WWOX: variants seen among roughly 807,000 people sequenced by gnomAD.
WWOX encodes the protein WW domain containing oxidoreductase, also known as WW domain-containing oxidoreductase.
WWOX carries 69 observed loss-of-function variants against 46.2 expected under a neutral mutation model. That is an observed-to-expected ratio of 1.49 (90% CI 1.23 to 1.82). The LOEUF (loss-of-function observed/expected upper bound fraction) is 1.82. Among genes scored for constraint, WWOX ranks in the 40% most tolerant of loss-of-function variants. WWOX has a pLI of 0.00. For synonymous variants in WWOX, 359 were observed against 202.6 expected (o/e 1.77, Z -6.56); for missense variants, 919 against 542.6 (o/e 1.69, Z -6.89).
intron 8 of WWOX, among the ~76,000 whole-genome samples, chr16:78,535,838 C>G (rs925035992): frequency 6.6e-6 from 1 of 152,090 alleles, no homozygotes; most frequent in Non-Finnish European, 1.5e-5. Flanking sequence ...CAGTGCTGCT[C>G]AGAGGTATGA....
intron 8 of WWOX, among the ~76,000 whole-genome samples, chr16:78,790,270 G>T (rs561851892): frequency 1.5e-4 from 23 of 152,216 alleles, no homozygotes; most frequent in African/African-American, 5.1e-4. Flanking sequence ...TAGTAGCTGG[G>T]ATTACAGGCG....
intron 8 of WWOX, among the ~76,000 whole-genome samples, chr16:78,931,462 C>T (rs557952273): frequency 6.6e-6 from 1 of 152,264 alleles, no homozygotes; most frequent in Non-Finnish European, 1.5e-5. Context: ...TACAACTCTG[C>T]ATAGTCAGCA....
intron 8 of WWOX, among the ~76,000 whole-genome samples, chr16:78,995,554 A>G (rs1297594058): frequency 1.3e-5 from 2 of 152,096 alleles, no homozygotes; most frequent in Admixed American, 6.5e-5. Flanking sequence ...TATGGTTGCC[A>G]CTGTCTTTAT....
intron 5 of WWOX, chr16:78,167,174 C>T (rs986296565): frequency 3.3e-5 from 5 of 152,152 alleles, no homozygotes; most frequent in African/African-American, 7.2e-5. Context: ...AGAACACATT[C>T]ATCTGCATTT....
At chr16:78,566,400 C>A (rs982546386) in intron 8 of WWOX, among the ~76,000 whole-genome samples, 1 of 152,146 alleles carries the variant, frequency 6.6e-6, no homozygotes, top group Non-Finnish European at 1.5e-5. Flanking sequence ...GGTATCAGAA[C>A]CAGGAGAGGG....
chr16:78,744,557 G>A (rs562387934), intron 8 of WWOX, among the ~76,000 whole-genome samples: 190 of 148,394 alleles, frequency 1.3e-3, no homozygotes, highest in African/African-American at 4.2e-3. Flanking sequence ...TCAGCCTCCC[G>A]AGTAGCTGGG....
rs146594431 is a variant in WWOX, at chr16:78,577,875, A to G, written c.1056+145123A>G. ...GTGCCGTTGGTAATTCAGTTTCAGG[A>G]TTTCCGTTTGACAGAATATATTCAA... On this transcript the variant is annotated intron_variant, in intron 8 of 8. Coordinates refer to ENST00000566780, the MANE Select transcript of WWOX (RefSeq NM_016373.4). Among the ~76,000 whole-genome samples, 502 of 152,174 alleles carry G rather than the reference A, an allele frequency of 3.3e-3. 3 individuals carry two copies. Among genetic ancestry groups the G allele is most frequent in the African/African-American group, 0.012 (486 of 41,534 alleles).
intron 8 of WWOX, among the ~76,000 whole-genome samples, chr16:78,788,442 A>G (rs1286230815): frequency 6.6e-6 from 1 of 152,164 alleles, no homozygotes; most frequent in Admixed American, 6.5e-5. Context: ...CCCTCCCCAG[A>G]GAGTCAGTCC....
Position 78,992,090 on chromosome 16 carries a change from G to C in WWOX, c.1057-219518G>C, listed in dbSNP as rs571487304. 2.0e-5 allele frequency among the ~76,000 whole-genome samples: 3 copies of C among 152,256 alleles called. No homozygotes were observed. The East Asian group carries it at 5.8e-4, about 29-fold the overall frequency. ...GTTCATTCTTGGAATCTACACACCT[G>C]TGATGTGCTAGTTACTAAAGATGTA... On this transcript the variant is annotated intron_variant, in intron 8 of 8. Coordinates refer to ENST00000566780, the MANE Select transcript of WWOX (RefSeq NM_016373.4).
At chr16:79,103,845 T>C (rs2049251551) in intron 8 of WWOX, among the ~76,000 whole-genome samples, 1 of 152,138 alleles carries the variant, frequency 6.6e-6, no homozygotes, top group South Asian at 2.1e-4. Context: ...CATGCACGTT[T>C]CTACACATCT....
intron 8 of WWOX, among the ~76,000 whole-genome samples, chr16:78,978,110 T>G (rs1293042219): frequency 1.3e-5 from 2 of 152,220 alleles, no homozygotes; most frequent in African/African-American, 2.4e-5. Context: ...TTTATTTAAG[T>G]GGGATCATAC....
intron 8 of WWOX, among the ~76,000 whole-genome samples, chr16:79,152,181 C>A (rs957938733): frequency 2.0e-5 from 3 of 152,160 alleles, no homozygotes. Flanking sequence ...TTGCATCCCT[C>A]CCCCACGCGA....
At chr16:79,011,190 G>T (rs1008187290) in intron 8 of WWOX, among the ~76,000 whole-genome samples, 1 of 148,902 alleles carries the variant, frequency 6.7e-6, no homozygotes, top group Non-Finnish European at 1.5e-5. Flanking sequence ...TGGAACCATT[G>T]AAAAGTTGCA....
chr16:78,576,111 C>T (rs1183869103), intron 8 of WWOX, among the ~76,000 whole-genome samples: 1 of 152,072 alleles, frequency 6.6e-6, no homozygotes, highest in Non-Finnish European at 1.5e-5. Context: ...CAGTTTCCCT[C>T]TTACCGTTGC....
intron 8 of WWOX, among the ~76,000 whole-genome samples, chr16:79,114,635 C>A (rs1285220700): frequency 6.6e-6 from 1 of 152,006 alleles, no homozygotes; most frequent in Non-Finnish European, 1.5e-5. Flanking sequence ...TCTTTGAGTT[C>A]CTGAATAAAG....
At chr16:78,118,049 T>TTTC (rs773651410) in intron 4 of WWOX, among the ~76,000 whole-genome samples, 64 of 150,904 alleles carry the variant, frequency 4.2e-4, no homozygotes, top group Non-Finnish European at 7.7e-4. Context: ...TTCTTTCTTT[T>TTTC]TTTTTTTTAA....
At chr16:78,225,996 T>G (rs957465437) in intron 5 of WWOX, among the ~76,000 whole-genome samples, 7 of 152,116 alleles carry the variant, frequency 4.6e-5, no homozygotes, top group Non-Finnish European at 7.4e-5. Context: ...TGCTATTCCT[T>G]TTACTGGTAC....
chr16:78,465,902 G>C (rs1011870955), intron 8 of WWOX, among the ~76,000 whole-genome samples: 4 of 152,174 alleles, frequency 2.6e-5, no homozygotes, highest in African/African-American at 9.7e-5. Flanking sequence ...AGGTCACATA[G>C]GATATTCCAT....
chr16:78,115,254 A>C, intron 4 of WWOX, 100 bp downstream of exon 4: 5 of 1,392,802 alleles, frequency 3.6e-6, no homozygotes, highest in Non-Finnish European at 4.1e-6. Flanking sequence ...TCTGATTTAA[A>C]CATGACTTTT....
Sources: allele counts gnomAD v4.1 joint callset (sites outside exome capture counted in the v4.1 genomes callset), GRCh38; gene constraint gnomAD v4.1.1; transcripts MANE v1.5; gene names NCBI Gene and HGNC (gene_info 2026-07-23, HGNC 2026-07-21).